SYCP2L: variants seen among roughly 807,000 people sequenced by gnomAD.
SYCP2L encodes the protein synaptonemal complex protein 2 like, also known as synaptonemal complex protein 2-like.
SYCP2L carries 98 observed loss-of-function variants against 125.8 expected under a neutral mutation model. The ratio of observed to expected loss-of-function variants is 0.78; its 90% CI spans 0.66 to 0.92. SYCP2L has a LOEUF of 0.92. Among genes scored for constraint, SYCP2L ranks in the 40% least tolerant of loss-of-function variants. The probability of loss-of-function intolerance (pLI) is 0.00; values close to 1 mark genes in which losing one functional copy is unlikely to be tolerated. For synonymous variants in SYCP2L, 317 were observed against 325.4 expected (o/e 0.97, Z 0.28); for missense variants, 842 against 936.4 (o/e 0.90, Z 1.32).
At chr6:10,893,369 G>C (rs1251427223) in intron 2 of SYCP2L, among the ~76,000 whole-genome samples, 4 of 152,094 alleles carry the variant, frequency 2.6e-5, no homozygotes, top group Non-Finnish European at 5.9e-5. Flanking sequence ...CATTCATTAT[G>C]GTCAATTTGC....
chr6:10,920,362 C>G (rs1310694313), intron 14 of SYCP2L, among the ~76,000 whole-genome samples: 2 of 152,108 alleles, frequency 1.3e-5, no homozygotes, highest in Non-Finnish European at 2.9e-5. Flanking sequence ...GGATTACAGG[C>G]CTATACCACC....
intron 20 of SYCP2L, among the ~76,000 whole-genome samples, chr6:10,933,480 G>A (rs1356458834): frequency 6.6e-6 from 1 of 152,186 alleles, no homozygotes; most frequent in Non-Finnish European, 1.5e-5. Context: ...GCTGGGTCCT[G>A]TCCCTAGAGT....
chr6:10,894,132 T>C lies in SYCP2L; in HGVS notation c.264T>C (p.Cys88=). ...EFQSVSLLLK[C]IQRFLVDGLK... is the part of the protein sequence containing the mutation. ...AGTCTGTGTCACTGTTGCTGAAATG[T>C]ATTCAGCGATTCCTCGTAGATGGCC... Residue 88 remains cysteine (C), a synonymous_variant, in exon 4 of 30, where the codon TGT becomes TGC. Transcript: ENST00000283141. 6.2e-7 allele frequency: 1 copy of C among 1,613,596 alleles called. No individual in the cohort carries two copies. Among genetic ancestry groups the C allele is most frequent in the South Asian group, 1.1e-5 (1 of 90,926 alleles).
At chr6:10,958,194 C>T (rs970999306) in intron 25 of SYCP2L, among the ~76,000 whole-genome samples, 7 of 150,210 alleles carry the variant, frequency 4.7e-5, no homozygotes, top group East Asian at 1.9e-4. Flanking sequence ...AATAAATACC[C>T]GAGACTGGAT....
chr6:10,942,761 C>CT lies in SYCP2L; in HGVS notation c.1954+31dup, dbSNP rs34079965. 0.042 allele frequency: 58,454 copies of CT among 1,385,674 alleles called. 6 individuals carry two copies. The highest frequency in any genetic ancestry group is 0.073 in the East Asian group (2,845 of 39,100). 85.8% of individuals were successfully genotyped at this position (1,385,674 alleles called of 1,614,324 possible). ...GGAAGACAAAGGTAAGAGAATAGTA[C>CT]TTTTTTTTTTTTTTTTGCAGAATAA... is the stretch of plus-strand genomic sequence containing the variant. On this transcript the variant is annotated intron_variant, in intron 23 of 29. Transcript: ENST00000283141.
rs950553569 is a variant in SYCP2L, at chr6:10,913,701, C to G, written c.1072+774C>G. 1.3e-5 allele frequency among the ~76,000 whole-genome samples: 2 copies of G among 152,036 alleles called. 1 individual carries two copies. The highest frequency in any genetic ancestry group is 3.9e-4 in the East Asian group (2 of 5,194). ...ACTCTGCTGACTGTTCCTTTTGCCA[C>G]GCAAAAGATCTTTAGTTTAATTAAG... is the stretch of plus-strand genomic sequence containing the variant. On this transcript the variant is annotated intron_variant, in intron 14 of 29. Coordinates refer to ENST00000283141, the MANE Select transcript of SYCP2L (RefSeq NM_001040274.3).
chr6:10,912,432 A>G lies in SYCP2L; in HGVS notation c.919-241A>G, dbSNP rs566439154. Reference sequence around the variant, plus strand: ...GGATAGAATAATGTGACACATTTAAATATCTATCAAATATGCTAAGGATAG... The same window carrying G: ...GGATAGAATAATGTGACACATTTAAGTATCTATCAAATATGCTAAGGATAG... On this transcript the variant is annotated intron_variant, in intron 12 of 29. Transcript: ENST00000283141. The surrounding 1 kb of genome is among the most constrained non-coding windows in gnomAD (Gnocchi z 4.1). Among the ~76,000 whole-genome samples, 3 of 152,310 alleles carry G rather than the reference A, an allele frequency of 2.0e-5. No individual in the cohort carries two copies. The highest frequency in any genetic ancestry group is 7.2e-5 in the African/African-American group (3 of 41,564).
intron 21 of SYCP2L, among the ~76,000 whole-genome samples, chr6:10,939,267 G>T (rs2113373324): frequency 6.6e-6 from 1 of 152,266 alleles, no homozygotes; most frequent in South Asian, 2.1e-4. Flanking sequence ...CTATGTACAT[G>T]GATTGGAAGA....
chr6:10,898,064 C>T lies in SYCP2L; in HGVS notation c.390C>T (p.Ala130=), dbSNP rs1205283947. Residue 130 remains alanine (A), a synonymous_variant, in exon 5 of 30, where the codon GCC becomes GCT. Transcript: ENST00000283141. ...TTGILTSEGL[A]SDTSLICVIE... ...GAATTCTGACCTCGGAAGGCCTAGC[C>T]TCAGACACGTCGCTGATTTGTGTTA... 3 of 1,614,164 alleles carry T rather than the reference C, an allele frequency of 1.9e-6. No individual in the cohort carries two copies. In the South Asian group the frequency reaches 3.3e-5, roughly 18 times the overall value.
intron 15 of SYCP2L, among the ~76,000 whole-genome samples, chr6:10,924,903 TC>T (rs1244374641): frequency 6.6e-6 from 1 of 152,188 alleles, no homozygotes; most frequent in African/African-American, 2.4e-5. Context: ...TGAAAGGTTT[TC>T]TAGGATAATA....
chr6:10,892,693 A>G (rs937964693), intron 2 of SYCP2L, among the ~76,000 whole-genome samples: 1 of 152,210 alleles, frequency 6.6e-6, no homozygotes, highest in African/African-American at 2.4e-5. Context: ...TTGTATCCTG[A>G]GATAAAGAAC....
intron 14 of SYCP2L, among the ~76,000 whole-genome samples, chr6:10,913,541 T>A (rs1780642372): frequency 6.6e-6 from 1 of 152,314 alleles, no homozygotes; most frequent in African/African-American, 2.4e-5. Flanking sequence ...TGTCTATTCA[T>A]GTCCTTACCC....
At chr6:10,922,539 C>T (rs1447175905) in intron 14 of SYCP2L, among the ~76,000 whole-genome samples, 3 of 151,104 alleles carry the variant, frequency 2.0e-5, no homozygotes, top group Non-Finnish European at 4.4e-5. Context: ...GATCTCAGCT[C>T]ACTGCAAGCT....
intron 23 of SYCP2L, among the ~76,000 whole-genome samples, chr6:10,945,967 A>G (rs1781308941): frequency 6.6e-6 from 1 of 152,106 alleles, no homozygotes; most frequent in Non-Finnish European, 1.5e-5. Flanking sequence ...AAGTCTTTTC[A>G]TGACTGACAT....
intron 20 of SYCP2L, 55 bp downstream of exon 20, chr6:10,931,544 T>G (rs1011566274): frequency 1.3e-6 from 2 of 1,526,396 alleles, no homozygotes; most frequent in African/African-American, 2.7e-5. Context: ...CTGCATTTAT[T>G]TCTCCAAAAA....
chr6:10,939,022 A>G (rs1391294007), intron 21 of SYCP2L, among the ~76,000 whole-genome samples: 1 of 152,124 alleles, frequency 6.6e-6, no homozygotes, highest in East Asian at 1.9e-4. Context: ...CAGGAGGCTG[A>G]CGCGGGAGAA....
chr6:10,906,647 G>T (rs1415442712), intron 9 of SYCP2L, among the ~76,000 whole-genome samples: 3 of 151,544 alleles, frequency 2.0e-5, no homozygotes, highest in Non-Finnish European at 4.4e-5. Flanking sequence ...GGCCAGGCTG[G>T]AGTGCAATGG....
intron 21 of SYCP2L, 93 bp downstream of exon 21, chr6:10,935,280 TAAAG>T: frequency 1.6e-6 from 2 of 1,246,858 alleles, no homozygotes; most frequent in Non-Finnish European, 1.1e-6. Flanking sequence ...TAATATCTAT[TAAAG>T]AAAATATGAA....
intron 14 of SYCP2L, among the ~76,000 whole-genome samples, chr6:10,923,683 C>CTTTTT (rs372980518): frequency 1.6e-4 from 20 of 122,308 alleles, no homozygotes; most frequent in South Asian, 8.2e-4. Context: ...TTTTCTTTTT[C>CTTTTT]TTTTTTTTTT....
Sources: allele counts gnomAD v4.1 joint callset (sites outside exome capture counted in the v4.1 genomes callset), GRCh38; gene constraint gnomAD v4.1.1; non-coding constraint Gnocchi (gnomAD v3.1); transcripts MANE v1.5; gene names NCBI Gene and HGNC (gene_info 2026-07-23, HGNC 2026-07-21).